BAG4: variants seen among roughly 807,000 people sequenced by gnomAD.
BAG4 encodes BAG family molecular chaperone regulator 4.
Under a neutral mutation model 52.1 loss-of-function variants are expected in BAG4, and 28 were observed. That is an observed-to-expected ratio of 0.54 (90% confidence interval 0.40 to 0.74). BAG4 has a LOEUF of 0.74. BAG4 is among the 30% of genes least tolerant of loss of function. The pLI is 0.00. For synonymous variants in BAG4, 208 were observed against 217.0 expected, an observed-to-expected ratio of 0.96 and a Z score of 0.37; for missense variants, 525 against 572.0, an observed-to-expected ratio of 0.92 and a Z score of 0.84.
At chr8:38,202,393 G>A (rs896902582) in intron 2 of BAG4, among the ~76,000 whole-genome samples, 2 of 152,014 alleles carry the variant, frequency 1.3e-5, no homozygotes, top group African/African-American at 4.8e-5. Context: ...AGCCTCCTGA[G>A]TAGCTGGGAC....
At chr8:38,181,913 A>T (rs1444266860) in intron 1 of BAG4, among the ~76,000 whole-genome samples, 2 of 147,656 alleles carry the variant, frequency 1.4e-5, no homozygotes. Context: ...AAAAAAAAAA[A>T]AAAGGAAGTA....
chr8:38,192,683 C>A lies in BAG4; in HGVS notation c.271-5C>A. The A allele has an allele frequency of 1.3e-6, 2 of 1,588,092 alleles. No homozygotes were observed. ...AGAGTGAATTTATTTTTCTTTTTTT[C>A]TTAGGAGCAGCCACCATATCCTAGC... On this transcript the variant is annotated splice_polypyrimidine_tract_variant and splice_region_variant and intron_variant, in intron 1 of 4. Transcript: ENST00000287322.
At chr8:38,185,816 G>A (rs1369561539) in intron 1 of BAG4, among the ~76,000 whole-genome samples, 3 of 152,182 alleles carry the variant, frequency 2.0e-5, no homozygotes, top group Non-Finnish European at 4.4e-5. Flanking sequence ...ACCTGCCTTG[G>A]CCTCCCAGAG....
chr8:38,200,826 G>A (rs1237147196), intron 2 of BAG4, among the ~76,000 whole-genome samples: 1 of 152,068 alleles, frequency 6.6e-6, no homozygotes. Context: ...TCGAACTCCG[G>A]ACCTCAGGTG....
chr8:38,201,387 C>T lies in BAG4; in HGVS notation c.379-6125C>T, dbSNP rs145597781. Among the ~76,000 whole-genome samples, 154 of 152,242 alleles carry T rather than the reference C, an allele frequency of 1.0e-3. 1 individual carries two copies. The highest frequency in any genetic ancestry group is 1.6e-3 in the Non-Finnish European group (112 of 68,020). Reference sequence around the variant, plus strand: ...ATTGTAGTGGCATAATCATAGATCACTGTAACCTTGAACTCCTGGACTTAA... The same window carrying T: ...ATTGTAGTGGCATAATCATAGATCATTGTAACCTTGAACTCCTGGACTTAA... On this transcript the variant is annotated intron_variant, in intron 2 of 4. Transcript: ENST00000287322.
rs1563284005 is a variant in BAG4, at chr8:38,201,855, TA to T, written c.379-5656del. On this transcript the variant is annotated intron_variant, in intron 2 of 4. Transcript: ENST00000287322. ...GAATTTATATATATATATATATATATATATATATATATATATATATATATAT... is the reference window on the plus strand; with the variant it reads ...GAATTTATATATATATATATATATATTATATATATATATATATATATATAT... 1.6e-3 allele frequency: 13 copies of T among 8,316 alleles called. 1 individual carries two copies. The highest frequency in any genetic ancestry group is 4.2e-3 in the African/African-American group (13 of 3,060). 0.5% of individuals were successfully genotyped at this position (8,316 alleles called of 1,614,324 possible).
At position 38,180,522 on chromosome 8, in the gene BAG4, C is replaced by CAAAAAAAA. The variant is rs1161178024; in HGVS notation, c.270+3402_270+3409dup. Reference sequence around the variant, plus strand: ...TGGGCAGCAAAGCGAGACTCCGTCTCAAAAAAAAAAAAAAAAAAAAAAAAA... The same window carrying CAAAAAAAA: ...TGGGCAGCAAAGCGAGACTCCGTCTCAAAAAAAAAAAAAAAAAAAAAAAAAAAAAAAAA... On this transcript the variant is annotated intron_variant, in intron 1 of 4. Coordinates refer to ENST00000287322, the MANE Select transcript of BAG4 (RefSeq NM_004874.4). 5.7e-4 allele frequency among the ~76,000 whole-genome samples: 15 copies of CAAAAAAAA among 26,496 alleles called. 1 individual carries two copies. Among genetic ancestry groups the CAAAAAAAA allele is most frequent in the Admixed American group, 8.5e-4 (2 of 2,352 alleles). 17.4% of individuals were successfully genotyped at this position (26,496 alleles called of 152,430 possible).
intron 2 of BAG4, chr8:38,201,745 G>A (rs1803664277): frequency 6.8e-6 from 1 of 146,624 alleles, no homozygotes; most frequent in Non-Finnish European, 1.5e-5. Context: ...CTGTTTGGTT[G>A]GTTTTATAAA....
chr8:38,195,965 T>C (rs778675292), intron 2 of BAG4, among the ~76,000 whole-genome samples: 1 of 152,214 alleles, frequency 6.6e-6, no homozygotes, highest in Non-Finnish European at 1.5e-5. Context: ...TCTCTCAGGA[T>C]TTTTCTAACC....
At chr8:38,199,368 GCTTTTCACA>G (rs1244564278) in intron 2 of BAG4, among the ~76,000 whole-genome samples, 1 of 152,182 alleles carries the variant, frequency 6.6e-6, no homozygotes, top group Non-Finnish European at 1.5e-5. Flanking sequence ...CTGTGGGTTG[GCTTTTCACA>G]CTCTTGATGG....
chr8:38,184,405 T>G (rs889057391), intron 1 of BAG4, among the ~76,000 whole-genome samples: 3 of 151,720 alleles, frequency 2.0e-5, no homozygotes, highest in Non-Finnish European at 4.4e-5. Context: ...TGGCCGAGGG[T>G]GTGGTGAGCT....
Position 38,210,630 on chromosome 8 carries a change from A to C in BAG4, c.*137A>C, listed in dbSNP as rs1354055358. 1.7e-6 allele frequency: 2 copies of C among 1,163,062 alleles called. No individual in the cohort carries two copies. The highest frequency in any genetic ancestry group is 3.2e-5 in the African/African-American group (2 of 63,478). The allele number at this position is 1,163,062 out of a possible 1,614,324, so 72.0% of individuals were successfully genotyped here. A position where few individuals can be genotyped will look rare whatever the true frequency, so the allele number is the denominator to read the frequency against. Reference sequence around the variant, plus strand: ...AGCTTTCCTTTGATTTTATACTTGAAAAACTGGCAAAGGAATGGAAGAATA... The same window carrying C: ...AGCTTTCCTTTGATTTTATACTTGACAAACTGGCAAAGGAATGGAAGAATA... On this transcript the variant is annotated 3_prime_UTR_variant, in exon 5 of 5. Coordinates refer to ENST00000287322, the MANE Select transcript of BAG4 (RefSeq NM_004874.4).
chr8:38,210,600 A>C lies in BAG4; in HGVS notation c.*107A>C. 1 of 1,351,910 alleles carries C rather than the reference A, an allele frequency of 7.4e-7. No homozygotes were observed. The highest frequency in any genetic ancestry group is 1.6e-5 in the South Asian group (1 of 61,188). The allele number at this position is 1,351,910 out of a possible 1,614,324, so 83.7% of individuals were successfully genotyped here. ...GCCTGTTGATGACAAGAAGCAATACATTCCAGCTTTCCTTTGATTTTATAC... is the reference window on the plus strand; with the variant it reads ...GCCTGTTGATGACAAGAAGCAATACCTTCCAGCTTTCCTTTGATTTTATAC... On this transcript the variant is annotated 3_prime_UTR_variant, in exon 5 of 5. Transcript: ENST00000287322.
intron 2 of BAG4, among the ~76,000 whole-genome samples, chr8:38,193,627 A>G (rs1803513743): frequency 6.6e-6 from 1 of 151,526 alleles, no homozygotes; most frequent in Non-Finnish European, 1.5e-5. Flanking sequence ...GTGCAGTGGT[A>G]TGATCTCAGC....
chr8:38,201,337 A>G (rs1803658982), intron 2 of BAG4, among the ~76,000 whole-genome samples: 2 of 152,108 alleles, frequency 1.3e-5, no homozygotes, highest in South Asian at 4.1e-4. Flanking sequence ...CTTGAGATAG[A>G]TAGTCTTGCT....
chr8:38,194,847 G>GTTTTTTTTTTT (rs533901451), intron 2 of BAG4, among the ~76,000 whole-genome samples: 97 of 116,442 alleles, frequency 8.3e-4, no homozygotes, highest in Non-Finnish European at 1.0e-3. Flanking sequence ...GTTTTTTTTT[G>GTTTTTTTTTTT]TTTTTTTTTT....
chr8:38,209,047 G>A lies in BAG4; in HGVS notation c.668G>A (p.Gly223Glu), dbSNP rs1350200091. The change falls in exon 4 of 5, where the codon GGA becomes GAA. Residue 223 changes from glycine to glutamate, a missense_variant. By Grantham distance (98) the Gly-to-Glu change is moderately conservative. Transcript: ENST00000287322. ...ATGACCCTGCCCCATTATCCTTATG[G>A]AGATGGTAATCGTAGTGTTCCACAA... ...PGMTLPHYPY[G>E]DGNRSVPQSG... 6.2e-7 allele frequency: 1 copy of A among 1,613,994 alleles called. No individual in the cohort carries two copies. Among genetic ancestry groups the A allele is most frequent in the Non-Finnish European group, 8.5e-7 (1 of 1,180,030 alleles).
intron 4 of BAG4, 189 bp downstream of exon 4, chr8:38,209,456 G>T: frequency 1.5e-6 from 1 of 664,352 alleles, no homozygotes; most frequent in Non-Finnish European, 2.4e-6. Flanking sequence ...ATTTAGAGAA[G>T]ATTTAGATTC....
At chr8:38,208,210 C>T (rs941937808) in intron 3 of BAG4, among the ~76,000 whole-genome samples, 6 of 150,466 alleles carry the variant, frequency 4.0e-5, no homozygotes, top group East Asian at 1.9e-4. Flanking sequence ...CTCCTGACCT[C>T]GTGATCTGCC....
Sources: gnomAD v4.1 joint callset for allele counts (sites outside exome capture counted in the v4.1 genomes callset) on GRCh38, gnomAD v4.1.1 for gene constraint, MANE v1.5 for transcripts, NCBI Gene and HGNC (gene_info 2026-07-23, HGNC 2026-07-21) for gene names.